The following VEZT variants were observed in gnomAD, a reference collection of about 807,000 sequenced individuals.
VEZT encodes the protein vezatin, adherens junctions transmembrane protein.
In VEZT, 39 loss-of-function variants were observed where a neutral mutation model predicts 79.9. The observed-to-expected ratio is 0.49, with a 90% CI of 0.38 to 0.64. The LOEUF (loss-of-function observed/expected upper bound fraction) is 0.64. Among genes scored for constraint, VEZT ranks in the 30% least tolerant of loss-of-function variants. The pLI, the probability that VEZT is intolerant of heterozygous loss-of-function variation, is 0.00. For synonymous variants in VEZT, 325 were observed against 327.6 expected (o/e 0.99, Z 0.09); for missense variants, 837 against 893.1 (o/e 0.94, Z 0.80).
intron 7 of VEZT, among the ~76,000 whole-genome samples, chr12:95,277,336 A>G (rs893104579): frequency 3.9e-5 from 6 of 152,238 alleles, no homozygotes; most frequent in African/African-American, 1.4e-4. Context: ...CCAGAGCCAC[A>G]TGGTGAACCA....
intron 1 of VEZT, chr12:95,244,044 A>G (rs1353373871): frequency 2.2e-6 from 1 of 453,558 alleles, no homozygotes; most frequent in Non-Finnish European, 4.4e-6. Flanking sequence ...TGCAGTGTCA[A>G]GTATTCTGTT....
At chr12:95,279,287 ATTTGGGATTTCATTTCAAAGT>A (rs1024833645) in intron 7 of VEZT, among the ~76,000 whole-genome samples, 2 of 152,170 alleles carry the variant, frequency 1.3e-5, no homozygotes, top group African/African-American at 4.8e-5. Flanking sequence ...ATTTTGGAGC[ATTTGGGATTTCATTTCAAAGT>A]TTTGGATTAG....
Position 95,282,454 on chromosome 12 carries a change from G to T in VEZT, c.1138G>T (p.Gly380Cys), listed in dbSNP as rs1231113591. 1.2e-6 allele frequency: 2 copies of T among 1,613,920 alleles called. No individual in the cohort carries two copies. The highest frequency in any genetic ancestry group is 3.3e-5 in the Admixed American group (2 of 60,014). Residue 380 changes from glycine (G) to cysteine (C), a missense_variant, in exon 8 of 12, where the codon GGT (glycine) becomes TGT (cysteine). By Grantham distance (159) the Gly-to-Cys change is radical. Transcript: ENST00000436874. ...TCGTATCTTATCTGATGTGACTCAA[G>T]GTCTACCTCATGCTCATTCTGCCTG... Reference protein sequence around the residue: ...PHRILSDVTQGLPHAHSACLE... With the variant: ...PHRILSDVTQCLPHAHSACLE...
At chr12:95,252,774 G>C (rs1202898388) in intron 2 of VEZT, among the ~76,000 whole-genome samples, 3 of 152,198 alleles carry the variant, frequency 2.0e-5, no homozygotes. Context: ...AGACCAGCCT[G>C]GCCAACATGG....
chr12:95,262,979 T>G lies in VEZT; in HGVS notation c.332T>G (p.Leu111Arg), dbSNP rs371371275. ...GTCCTGTTACAAGAGGATGTGGAGCTGATTGAGCTACTTGATCCCAGTATC... is the reference window on the plus strand; with the variant it reads ...GTCCTGTTACAAGAGGATGTGGAGCGGATTGAGCTACTTGATCCCAGTATC... ...QEVLLQEDVE[L>R]IELLDPSILS... is the part of the protein sequence containing the mutation. Residue 111 changes from leucine (L) to arginine (R), a missense_variant, in exon 4 of 12, where the codon CTG becomes CGG. By Grantham distance (102) the Leu-to-Arg change is moderately radical (BLOSUM62 -2). Transcript: ENST00000436874. 49 of 1,613,462 alleles carry G rather than the reference T, an allele frequency of 3.0e-5. No individual in the cohort carries two copies. The highest frequency in any genetic ancestry group is 4.1e-5 in the Non-Finnish European group (48 of 1,179,566).
At chr12:95,255,766 T>C (rs1237241979) in intron 2 of VEZT, among the ~76,000 whole-genome samples, 2 of 152,134 alleles carry the variant, frequency 1.3e-5, no homozygotes, top group Non-Finnish European at 2.9e-5. Flanking sequence ...TTGTCTACAA[T>C]CATACCCTGC....
rs538004186 is a variant in VEZT at position 95,302,405 on chromosome 12, C to T, written c.*1732C>T. On this transcript the variant is annotated 3_prime_UTR_variant, in exon 12 of 12. Coordinates refer to ENST00000436874, the MANE Select transcript of VEZT (RefSeq NM_017599.4). Reference sequence around the variant, plus strand: ...TTTTGAAAGACTAAATAATTTTAATCGAGAATTTCCAGTCTTTCAGTCTGA... The same window carrying T: ...TTTTGAAAGACTAAATAATTTTAATTGAGAATTTCCAGTCTTTCAGTCTGA... 4.6e-5 allele frequency: 7 copies of T among 152,066 alleles called. No homozygotes were observed. The highest frequency in any genetic ancestry group is 9.7e-5 in the African/African-American group (4 of 41,428). 9.4% of individuals were successfully genotyped at this position (152,066 alleles called of 1,614,324 possible). A position where few individuals can be genotyped will look rare whatever the true frequency, so the allele number is the denominator to read the frequency against.
chr12:95,282,308 T>C lies in VEZT; in HGVS notation c.997-5T>C. The stretch of plus-strand genomic sequence containing the variant: ...GATCTAGTTCTTTTTTCTTTTTTCT[T>C]TAAGGTTTTGTTCCAACTCTGGGTG... On this transcript the variant is annotated splice_polypyrimidine_tract_variant and splice_region_variant and intron_variant, in intron 7 of 11. Transcript: ENST00000436874. The C allele has an allele frequency of 2.5e-6, 4 of 1,577,534 alleles. No homozygotes were observed. The highest frequency in any genetic ancestry group is 3.4e-6 in the Non-Finnish European group (4 of 1,167,368).
chr12:95,265,636 A>G lies in VEZT; in HGVS notation c.435-721A>G, dbSNP rs147436871. 1.9e-3 allele frequency among the ~76,000 whole-genome samples: 286 copies of G among 151,852 alleles called. 1 individual carries two copies. Among genetic ancestry groups the G allele is most frequent in the African/African-American group, 6.5e-3 (269 of 41,394 alleles). ...GAAGATGCCTATTGTTATATTTATT[A>G]TCATTTTTATTAATGTCATAAAGAG... On this transcript the variant is annotated intron_variant, in intron 4 of 11. Coordinates refer to ENST00000436874, the MANE Select transcript of VEZT (RefSeq NM_017599.4).
chr12:95,254,590 G>A (rs936261136), intron 2 of VEZT, among the ~76,000 whole-genome samples: 14 of 151,842 alleles, frequency 9.2e-5, no homozygotes, highest in South Asian at 2.1e-4. Context: ...CAAGTGATCC[G>A]CCTACCTTGG....
chr12:95,226,128 A>G (rs906713364), intron 1 of VEZT, among the ~76,000 whole-genome samples: 1 of 151,912 alleles, frequency 6.6e-6, no homozygotes, highest in Non-Finnish European at 1.5e-5. Flanking sequence ...AACAGTTGAA[A>G]CAAAAGCCAA....
At chr12:95,249,709 T>A (rs2062222792) in intron 1 of VEZT, among the ~76,000 whole-genome samples, 1 of 152,204 alleles carries the variant, frequency 6.6e-6, no homozygotes, top group Non-Finnish European at 1.5e-5. Context: ...GTATCTCTCC[T>A]GTTTCCATAG....
intron 4 of VEZT, among the ~76,000 whole-genome samples, chr12:95,264,869 C>CTTTTTTT (rs71078693): frequency 2.3e-4 from 26 of 113,352 alleles, no homozygotes; most frequent in Non-Finnish European, 2.9e-4. Flanking sequence ...CTTTTCTTTT[C>CTTTTTTT]TTTTTTTTTT....
chr12:95,286,907 G>A (rs2071062939), intron 8 of VEZT: 1 of 191,550 alleles, frequency 5.2e-6, no homozygotes, highest in Admixed American at 6.5e-5. Context: ...GGTCTGTGGT[G>A]TCTCCAGTCT....
intron 1 of VEZT, among the ~76,000 whole-genome samples, chr12:95,229,669 T>C (rs2058965989): frequency 6.6e-6 from 1 of 152,138 alleles, no homozygotes; most frequent in African/African-American, 2.4e-5. Flanking sequence ...AAATCCTGAC[T>C]CAATTTTAGT....
At chr12:95,238,857 G>A (rs1010113456) in intron 1 of VEZT, among the ~76,000 whole-genome samples, 13 of 152,030 alleles carry the variant, frequency 8.6e-5, no homozygotes, top group Non-Finnish European at 1.5e-5. Flanking sequence ...TGTAGTCCCA[G>A]TTATCCAACA....
rs780060843 is a variant in VEZT, at chr12:95,300,394, A to G, written c.2061A>G (p.Glu687=). Residue 687 remains glutamate (E), a synonymous_variant, in exon 12 of 12, where the codon GAA becomes GAG. Transcript: ENST00000436874. ...SSNEVFPQGA[E]ERMCYQCESE... ...ATGAAGTCTTCCCCCAAGGAGCAGA[A>G]GAAAGAATGTGTTACCAATGTGAGA... is the stretch of plus-strand genomic sequence containing the variant. 4.0e-5 allele frequency: 65 copies of G among 1,613,870 alleles called. No individual in the cohort carries two copies. Among genetic ancestry groups the G allele is most frequent in the Non-Finnish European group, 5.4e-5 (64 of 1,179,892 alleles).
chr12:95,250,856 A>T (rs1168477950), intron 1 of VEZT, among the ~76,000 whole-genome samples: 1 of 151,834 alleles, frequency 6.6e-6, no homozygotes, highest in Admixed American at 6.6e-5. Flanking sequence ...ACTGTCCCAG[A>T]TGCTTTATAT....
chr12:95,237,690 C>T (rs912234352), intron 1 of VEZT, among the ~76,000 whole-genome samples: 13 of 152,048 alleles, frequency 8.5e-5, no homozygotes, highest in African/African-American at 3.1e-4. Context: ...GCTCTGTTTC[C>T]CTTGGAAACT....
Sources: allele counts gnomAD v4.1 joint callset (sites outside exome capture counted in the v4.1 genomes callset), GRCh38; gene constraint gnomAD v4.1.1; transcripts MANE v1.5; gene names NCBI Gene and HGNC (gene_info 2026-07-23, HGNC 2026-07-21).